The following BTF3L4 variants were observed in gnomAD, a reference collection of about 807,000 sequenced individuals.
The protein encoded by BTF3L4 is transcription factor BTF3 homolog 4.
BTF3L4 carries 6 observed loss-of-function variants against 16.8 expected under a neutral mutation model. That is an observed-to-expected ratio of 0.36 (90% CI 0.20 to 0.71). The LOEUF is 0.71. Ranked by LOEUF, BTF3L4 falls within the 30% of genes least tolerant of loss-of-function variation. The pLI, the probability that BTF3L4 is intolerant of heterozygous loss-of-function variation, is 0.58. For missense variants in BTF3L4, 92 were observed against 186.9 expected (o/e 0.49, Z 2.96); for synonymous variants, 39 against 59.8 (o/e 0.65, Z 1.60).
intron 3 of BTF3L4, among the ~76,000 whole-genome samples, chr1:52,079,865 T>C (rs1373582980): frequency 3.6e-5 from 1 of 27,898 alleles, no homozygotes; most frequent in African/African-American, 5.3e-5. Flanking sequence ...TCTTTTTCTT[T>C]TCTTTTCTTT....
In BTF3L4 at chr1:52,087,557, C is replaced by T. The variant is rs534485590; in HGVS notation, c.*799C>T. The T allele has an allele frequency of 6.6e-6, 1 of 152,100 alleles. No individual in the cohort carries two copies. The highest frequency in any genetic ancestry group is 2.4e-5 in the African/African-American group (1 of 41,412). The allele number at this position is 152,100 out of a possible 1,614,324, so 9.4% of individuals were successfully genotyped here. ...ATATAGAGTTTAGCGAGTGCCTAAT[C>T]CCTCCTTTTGTAAGATTTTGTTCCC... On this transcript the variant is annotated 3_prime_UTR_variant, in exon 6 of 6. Coordinates refer to ENST00000313334, the MANE Select transcript of BTF3L4 (RefSeq NM_152265.5).
At chr1:52,084,879 C>T (rs1259426806) in intron 4 of BTF3L4, among the ~76,000 whole-genome samples, 1 of 151,572 alleles carries the variant, frequency 6.6e-6, no homozygotes, top group Admixed American at 6.6e-5. Flanking sequence ...ATGTGGCAAC[C>T]GTAAGTTCTG....
At chr1:52,076,525 C>T (rs572241425) in intron 3 of BTF3L4, among the ~76,000 whole-genome samples, 5 of 142,230 alleles carry the variant, frequency 3.5e-5, no homozygotes, top group Admixed American at 7.2e-5. Context: ...CGCAGTGAGC[C>T]GGAGGTTGCA....
intron 2 of BTF3L4, among the ~76,000 whole-genome samples, chr1:52,063,101 C>T (rs1011512604): frequency 6.6e-6 from 1 of 152,018 alleles, no homozygotes; most frequent in African/African-American, 2.4e-5. Flanking sequence ...TTGGGGACCT[C>T]TATTATATGG....
intron 2 of BTF3L4, 58 bp downstream of exon 2, chr1:52,059,959 T>C: frequency 6.7e-7 from 1 of 1,485,206 alleles, no homozygotes. Flanking sequence ...ATAGTGTTAT[T>C]ATTTCGGATT....
Position 52,086,778 on chromosome 1 carries a change from TG to T in BTF3L4, c.*22del. On this transcript the variant is annotated 3_prime_UTR_variant, in exon 6 of 6. Transcript: ENST00000313334. ...AACTAAAAGTTTGGTTTTTGGAAGC[TG>T]GCATGGACTAGATTTAACAAATCAG... 1 of 1,570,646 alleles carries T rather than the reference TG, an allele frequency of 6.4e-7. No individual in the cohort carries two copies. The highest frequency in any genetic ancestry group is 8.7e-7 in the Non-Finnish European group (1 of 1,151,506).
At position 52,065,725 on chromosome 1, in the gene BTF3L4, T is replaced by C. The variant is rs117861250; in HGVS notation, c.168+787T>C. Among the ~76,000 whole-genome samples the C allele has an allele frequency of 3.7e-3, 561 of 152,272 alleles. 24 individuals carry two copies. In the East Asian group the frequency reaches 0.097, roughly 26 times the overall value. On this transcript the variant is annotated intron_variant, in intron 3 of 5. Transcript: ENST00000313334. ...CATGGGTTAGATTTCTTATTAAAACTGTTTCAAAAATTGTTTAAAATGTAT... is the reference window on the plus strand; with the variant it reads ...CATGGGTTAGATTTCTTATTAAAACCGTTTCAAAAATTGTTTAAAATGTAT...
chr1:52,071,931 C>CTG (rs59491944), intron 3 of BTF3L4, among the ~76,000 whole-genome samples: 8,040 of 127,828 alleles, frequency 0.063, 293 homozygotes, highest in African/African-American at 0.12. Flanking sequence ...GTTTTTTACT[C>CTG]TGTGTGTGTG....
chr1:52,081,390 C>G (rs1019256754), intron 3 of BTF3L4, among the ~76,000 whole-genome samples: 1 of 151,770 alleles, frequency 6.6e-6, no homozygotes, highest in Non-Finnish European at 1.5e-5. Context: ...TCCCAAAGTG[C>G]TAGGATTACA....
intron 1 of BTF3L4, among the ~76,000 whole-genome samples, chr1:52,057,853 C>T (rs1686412996): frequency 6.6e-6 from 1 of 152,182 alleles, no homozygotes; most frequent in Non-Finnish European, 1.5e-5. Context: ...GGAATCTGTT[C>T]TTTCATCTAT....
rs1319038112 is a variant in BTF3L4 at position 52,072,037 on chromosome 1, T to G, written c.168+7099T>G. ...TAGCCAGGGTTTTTTTTTGTTTTTT[T>G]TTTTTGGTTTTTTGTTTGTTTTTTG... On this transcript the variant is annotated intron_variant, in intron 3 of 5. Coordinates refer to ENST00000313334, the MANE Select transcript of BTF3L4 (RefSeq NM_152265.5). Among the ~76,000 whole-genome samples, 14 of 150,952 alleles carry G rather than the reference T, an allele frequency of 9.3e-5. 1 individual carries two copies.
intron 3 of BTF3L4, among the ~76,000 whole-genome samples, chr1:52,066,763 G>A (rs903251898): frequency 6.6e-6 from 1 of 150,926 alleles, no homozygotes; most frequent in Admixed American, 6.6e-5. Context: ...GGAGAATGGA[G>A]TGAACCCAGG....
intron 3 of BTF3L4, among the ~76,000 whole-genome samples, chr1:52,066,552 A>ATGG: frequency 6.6e-6 from 1 of 150,896 alleles, no homozygotes; most frequent in East Asian, 2.0e-4. Context: ...GCCATAAGTT[A>ATGG]AATTTAACCG....
chr1:52,066,162 C>T (rs1459813337), intron 3 of BTF3L4, among the ~76,000 whole-genome samples: 2 of 152,082 alleles, frequency 1.3e-5, no homozygotes, highest in African/African-American at 4.8e-5. Flanking sequence ...TGTGATGTTA[C>T]CACCTAGATG....
At chr1:52,086,593 T>G in intron 5 of BTF3L4, 119 bp from the exon 6 acceptor site, 1 of 579,598 alleles carries the variant, frequency 1.7e-6, no homozygotes, top group Non-Finnish European at 3.0e-6. Flanking sequence ...CCTTATGTTT[T>G]CAGGCTAATT....
intron 1 of BTF3L4, among the ~76,000 whole-genome samples, chr1:52,058,871 A>G (rs1031047079): frequency 2.0e-4 from 30 of 152,198 alleles, no homozygotes; most frequent in African/African-American, 7.2e-4. Context: ...AAGTGCTGGG[A>G]TTACAGGCGT....
chr1:52,071,560 G>A (rs1686787187), intron 3 of BTF3L4, among the ~76,000 whole-genome samples: 1 of 152,220 alleles, frequency 6.6e-6, no homozygotes, highest in Non-Finnish European at 1.5e-5. Flanking sequence ...TTAAATTTAA[G>A]AGGTACTGAT....
intron 3 of BTF3L4, among the ~76,000 whole-genome samples, chr1:52,082,577 A>C (rs1643934606): frequency 1.3e-5 from 2 of 152,120 alleles, no homozygotes; most frequent in African/African-American, 2.4e-5. Flanking sequence ...TGTACTAAAA[A>C]TACAAAAATT....
At chr1:52,076,065 C>T (rs1305593815) in intron 3 of BTF3L4, among the ~76,000 whole-genome samples, 7 of 152,148 alleles carry the variant, frequency 4.6e-5, no homozygotes, top group Non-Finnish European at 1.0e-4. Flanking sequence ...AAGAATATGC[C>T]AGTTCACACT....
Sources: allele counts gnomAD v4.1 joint callset (sites outside exome capture counted in the v4.1 genomes callset), GRCh38; gene constraint gnomAD v4.1.1; transcripts MANE v1.5; gene names NCBI Gene and HGNC (gene_info 2026-07-23, HGNC 2026-07-21).